MACF1: variants seen among roughly 807,000 people sequenced by gnomAD.
MACF1 encodes microtubule-actin cross-linking factor 1.
Under a neutral mutation model 854.8 loss-of-function variants are expected in MACF1, and 193 were observed. The ratio of observed to expected loss-of-function variants is 0.23; its 90% CI spans 0.20 to 0.25. MACF1 has a LOEUF of 0.25. Among genes scored for constraint, MACF1 ranks in the 10% least tolerant of loss-of-function variants. The pLI is 1.00. For missense variants in MACF1, 7,722 were observed against 8,929.1 expected (o/e 0.86, Z 5.45); for synonymous variants, 3,185 against 3,226.7 (o/e 0.99, Z 0.44).
intron 2 of MACF1, among the ~76,000 whole-genome samples, chr1:39,141,621 G>A (rs1231757434): frequency 6.6e-6 from 1 of 152,192 alleles, no homozygotes; most frequent in African/African-American, 2.4e-5. Context: ...TGCTTGGTTT[G>A]TAGTAAGCAT....
chr1:39,089,199 A>AT (rs953639431), intron 2 of MACF1, among the ~76,000 whole-genome samples: 15 of 149,974 alleles, frequency 1.0e-4, no homozygotes, highest in South Asian at 4.2e-4. Flanking sequence ...CCCTGTCTCT[A>AT]TTTTTTTTTT....
chr1:39,259,643 A>G (rs1009426349), intron 6 of MACF1, among the ~76,000 whole-genome samples: 3 of 149,076 alleles, frequency 2.0e-5, no homozygotes, highest in Admixed American at 2.0e-4. Flanking sequence ...GTTTTTTGAG[A>G]CGGAATTTCG....
At position 39,398,032 on chromosome 1, in the gene MACF1, A is replaced by C. The variant is rs72928313; in HGVS notation, c.15816+9374A>C. ...ACTTGTTCGAGCCACATAGCAAGTAAATATTAGAGTTGGGATTGGGAAGGT... is the reference window on the plus strand; with the variant it reads ...ACTTGTTCGAGCCACATAGCAAGTACATATTAGAGTTGGGATTGGGAAGGT... On this transcript the variant is annotated intron_variant, in intron 58 of 100. Coordinates refer to ENST00000564288, the MANE Select transcript of MACF1 (RefSeq NM_001394062.1). Among the ~76,000 whole-genome samples the C allele has an allele frequency of 1.6e-3, 250 of 152,302 alleles. 2 individuals are homozygous for C. The highest frequency in any genetic ancestry group is 5.0e-3 in the African/African-American group (208 of 41,566).
chr1:39,263,658 CATTTACAGCAG>C (rs1004040402), intron 6 of MACF1, among the ~76,000 whole-genome samples: 7 of 151,584 alleles, frequency 4.6e-5, no homozygotes, highest in African/African-American at 1.7e-4. Context: ...TGCTTTTGTA[CATTTACAGCAG>C]ATGATCTATT....
At chr1:39,411,764 A>T (rs1281475418) in intron 58 of MACF1, 27 of 1,613,920 alleles carry the variant, frequency 1.7e-5, no homozygotes, top group Non-Finnish European at 2.2e-5. Flanking sequence ...GCATCCCAGG[A>T]TGCAGAAAAT....
chr1:39,370,922 A>G (rs951845626), intron 51 of MACF1, among the ~76,000 whole-genome samples: 11 of 152,216 alleles, frequency 7.2e-5, no homozygotes, highest in Admixed American at 2.6e-4. Flanking sequence ...ACAACTTAGT[A>G]GTTGTTCATA....
chr1:39,265,581 A>G (rs369834818), intron 6 of MACF1, among the ~76,000 whole-genome samples: 9 of 152,370 alleles, frequency 5.9e-5, no homozygotes, highest in Admixed American at 2.6e-4. Context: ...GGCCAAAATC[A>G]TGTAACACAA....
intron 21 of MACF1, among the ~76,000 whole-genome samples, chr1:39,299,441 C>A (rs1442893635): frequency 6.6e-6 from 1 of 152,094 alleles, no homozygotes; most frequent in Non-Finnish European, 1.5e-5. Context: ...CAAAGTTTAT[C>A]TTTTACTCTT....
intron 44 of MACF1, among the ~76,000 whole-genome samples, chr1:39,356,252 T>A (rs928414256): frequency 2.6e-5 from 4 of 152,214 alleles, no homozygotes; most frequent in Non-Finnish European, 5.9e-5. Context: ...AAAGTACAAA[T>A]TACTTATTAT....
chr1:39,115,890 A>G (rs1642531907), intron 2 of MACF1, among the ~76,000 whole-genome samples: 1 of 152,222 alleles, frequency 6.6e-6, no homozygotes, highest in African/African-American at 2.4e-5. Flanking sequence ...TAGATTATGC[A>G]GAGGTCAAAT....
chr1:39,287,540 T>C lies in MACF1; in HGVS notation c.1763T>C (p.Leu588Pro). 4 of 1,614,262 alleles carry C rather than the reference T, an allele frequency of 2.5e-6. No homozygotes were observed. Among genetic ancestry groups the C allele is most frequent in the Non-Finnish European group, 2.5e-6 (3 of 1,180,040 alleles). ...AATCTCCGATTTGTGTATGAACTAC[T>C]GTCTTGGGTAGAAGAGATGCAGGTG... ...EGNLRFVYEL[L>P]SWVEEMQMKL... The change falls in exon 15 of 101, where the codon CTG becomes CCG. Residue 588 changes from leucine (L) to proline (P), a missense_variant. Around this residue, in one of 15 missense-constraint regions of MACF1, gnomAD observed 1,137 missense variants for 1,263.0 expected, o/e 0.90. Transcript: ENST00000564288.
At chr1:39,112,087 C>CTTTTTT (rs569400137) in intron 2 of MACF1, among the ~76,000 whole-genome samples, 19 of 133,608 alleles carry the variant, frequency 1.4e-4, no homozygotes, top group South Asian at 2.4e-4. Flanking sequence ...TTATTCAAAT[C>CTTTTTT]TTTTTTTTTT....
Position 39,459,199 on chromosome 1 carries a change from G to A in MACF1, c.21310G>A (p.Ala7104Thr). Residue 7104 changes from alanine (A) to threonine (T), a missense_variant, in exon 91 of 101, where the codon GCA (alanine) becomes ACA (threonine). Physicochemically the swap from Ala to Thr is moderately conservative, Grantham distance 58 (BLOSUM62 0). This residue lies in a region of MACF1 where 729 missense variants were observed against 900.5 expected (regional missense o/e 0.81). Transcript: ENST00000564288. ...CCGCTGGCAGCAGGTGTGGCTGTTAGCACTGGAGCGGCAAAGGAAACTGAA... is the reference window on the plus strand; with the variant it reads ...CCGCTGGCAGCAGGTGTGGCTGTTAACACTGGAGCGGCAAAGGAAACTGAA... The part of the protein sequence containing the change: ...SARWQQVWLL[A>T]LERQRKLNDA... 1 of 1,614,058 alleles carries A rather than the reference G, an allele frequency of 6.2e-7. No homozygotes were observed.
chr1:39,202,438 C>T (rs1227917058), upstream of MACF1, among the ~76,000 whole-genome samples: 1 of 151,328 alleles, frequency 6.6e-6, no homozygotes, highest in Non-Finnish European at 1.5e-5. Flanking sequence ...AGTTCGAGAC[C>T]AGCCTGGCCA....
chr1:39,434,036 C>T (rs1448606245), intron 68 of MACF1, among the ~76,000 whole-genome samples: 6 of 152,026 alleles, frequency 3.9e-5, no homozygotes, highest in Non-Finnish European at 4.4e-5. Context: ...GCTGAGATCG[C>T]GCCAGTGCAC....
rs567483096 is a variant in MACF1 at position 39,278,562 on chromosome 1, C to T, written c.529-3646C>T. On this transcript the variant is annotated intron_variant, in intron 6 of 100. Transcript: ENST00000564288. ...GGAATTTCATTTTTGGGTGAAGAAC[C>T]CAAATACTCAGATTTTGTTTTGCTT... 3.3e-5 allele frequency among the ~76,000 whole-genome samples: 5 copies of T among 152,168 alleles called. No individual in the cohort carries two copies. The East Asian group carries it at 9.6e-4, about 29-fold the overall frequency.
chr1:39,485,739 C>G lies in MACF1; in HGVS notation c.22613C>G (p.Thr7538Ser). The change falls in exon 101 of 101, where the codon ACC becomes AGC. Residue 7538 changes from threonine (T) to serine (S), a missense_variant. This residue lies in a region of MACF1 where 185 missense variants were observed against 225.7 expected (regional missense o/e 0.82). Transcript: ENST00000564288. ...RGLNKPSKIP[T>S]MSKKTTTASP... ...CTAAACAAACCTTCCAAAATCCCAA[C>G]CATGTCTAAGAAGACCACCACTGCC... 2 of 1,613,774 alleles carry G rather than the reference C, an allele frequency of 1.2e-6. No individual in the cohort carries two copies. The highest frequency in any genetic ancestry group is 1.7e-6 in the Non-Finnish European group (2 of 1,179,738).
At chr1:39,338,299 A>G (rs1043407365) in intron 38 of MACF1, among the ~76,000 whole-genome samples, 2 of 151,818 alleles carry the variant, frequency 1.3e-5, no homozygotes, top group Non-Finnish European at 2.9e-5. Flanking sequence ...AAAGGGCAAG[A>G]GAGGAGAAAA....
Position 39,442,427 on chromosome 1 carries a change from G to C in MACF1, c.18964G>C (p.Ala6322Pro). 3 of 1,613,810 alleles carry C rather than the reference G, an allele frequency of 1.9e-6. No individual in the cohort carries two copies. Among genetic ancestry groups the C allele is most frequent in the Non-Finnish European group, 2.5e-6 (3 of 1,179,930 alleles). ...IAHRQHKLEG[A>P]LLALGQFQHA... The stretch of plus-strand genomic sequence containing the variant: ...TCCTGAGTAGCACAAACTAGAAGGG[G>C]CTCTGTTGGCCCTTGGTCAGTTCCA... Residue 6322 changes from alanine to proline, a missense_variant, in exon 77 of 101, where the codon GCT (alanine) becomes CCT (proline). Ala to Pro is a conservative substitution (Grantham distance 27). Transcript: ENST00000564288.
Sources: allele counts gnomAD v4.1 joint callset (sites outside exome capture counted in the v4.1 genomes callset), GRCh38; gene constraint gnomAD v4.1.1; regional missense constraint gnomAD v4.1.1; transcripts MANE v1.5; gene names NCBI Gene and HGNC (gene_info 2026-07-23, HGNC 2026-07-21).